IQCM: variants seen among roughly 807,000 people sequenced by gnomAD.
IQCM encodes the protein IQ domain-containing protein M.
IQCM carries 45 observed loss-of-function variants against 57.6 expected under a neutral mutation model. That is an observed-to-expected ratio of 0.78 (90% CI 0.62 to 1.00). The LOEUF (loss-of-function observed/expected upper bound fraction) is 1.00, where lower values mean the gene tolerates loss of function less well. IQCM is among the 50% of genes least tolerant of loss of function. The pLI is 0.00. For synonymous variants in IQCM, 148 were observed against 158.9 expected, an observed-to-expected ratio of 0.93 and a Z score of 0.51; for missense variants, 468 against 511.6, an observed-to-expected ratio of 0.91 and a Z score of 0.82.
At chr4:149,771,981 T>C (rs964366239) in intron 2 of IQCM, among the ~76,000 whole-genome samples, 1 of 152,154 alleles carries the variant, frequency 6.6e-6, no homozygotes, top group African/African-American at 2.4e-5. Context: ...ATTATCCTAG[T>C]TCTGTCCAGG....
intron 13 of IQCM, among the ~76,000 whole-genome samples, chr4:149,385,872 T>C (rs1731388326): frequency 6.6e-6 from 1 of 152,146 alleles, no homozygotes; most frequent in South Asian, 2.1e-4. Flanking sequence ...ATTAGATGAA[T>C]GCCTATCATA....
At chr4:149,636,048 T>C (rs1455685790) in intron 7 of IQCM, among the ~76,000 whole-genome samples, 1 of 152,178 alleles carries the variant, frequency 6.6e-6, no homozygotes, top group Non-Finnish European at 1.5e-5. Flanking sequence ...ACTTTAGACA[T>C]AGAATGTCAT....
In IQCM at chr4:149,749,796, C is replaced by G. The variant is rs572079725; in HGVS notation, c.-48-7057G>C. Among the ~76,000 whole-genome samples, 12 of 152,168 alleles carry G rather than the reference C, an allele frequency of 7.9e-5. No homozygotes were observed. In the East Asian group the frequency reaches 2.3e-3, roughly 29 times the overall value. On this transcript the variant is annotated intron_variant, in intron 2 of 13. Transcript: ENST00000636793. The stretch of plus-strand genomic sequence containing the variant: ...ACTACCCTAGTCATTACAGGTGGTT[C>G]CATTTCTCTTCTTACACTCACTCAA...
intron 12 of IQCM, among the ~76,000 whole-genome samples, chr4:149,498,365 A>G (rs1304988602): frequency 1.3e-5 from 2 of 152,160 alleles, no homozygotes; most frequent in African/African-American, 4.8e-5. Context: ...AAGAGGCAGG[A>G]TCAATGGTGG....
At position 149,461,840 on chromosome 4, in the gene IQCM, T is replaced by A. The variant is rs539493938; in HGVS notation, c.1229-28283A>T. ...GAATACTATATATATATAGTGTGTA[T>A]ATATATATATAAATATCCTGACACT... On this transcript the variant is annotated intron_variant, in intron 12 of 13. Coordinates refer to ENST00000636793, the MANE Select transcript of IQCM (RefSeq NM_001363507.2). 4.0e-5 allele frequency among the ~76,000 whole-genome samples: 6 copies of A among 151,162 alleles called. No homozygotes were observed. In the South Asian group the frequency reaches 1.3e-3, roughly 32 times the overall value.
chr4:149,724,735 C>T (rs539650995), intron 5 of IQCM, among the ~76,000 whole-genome samples: 1 of 151,960 alleles, frequency 6.6e-6, no homozygotes, highest in Non-Finnish European at 1.5e-5. Context: ...TTAAATAACT[C>T]AAAATAGACG....
intron 2 of IQCM, among the ~76,000 whole-genome samples, chr4:149,788,601 T>C (rs1291539493): frequency 6.6e-6 from 1 of 151,992 alleles, no homozygotes; most frequent in Non-Finnish European, 1.5e-5. Flanking sequence ...GCTCAAAAAA[T>C]TAAAAATAGA....
chr4:149,601,197 G>T (rs1754250687), intron 8 of IQCM, among the ~76,000 whole-genome samples: 2 of 35,590 alleles, frequency 5.6e-5, no homozygotes, highest in South Asian at 3.3e-3. Flanking sequence ...GATCGGGCTG[G>T]GACCTAAGAT....
chr4:149,382,584 AT>A (rs376249972), intron 13 of IQCM, among the ~76,000 whole-genome samples: 203 of 148,034 alleles, frequency 1.4e-3, no homozygotes, highest in Non-Finnish European at 2.0e-3. Flanking sequence ...TTCCCTGGGC[AT>A]TTTTTTTTTC....
chr4:149,430,080 C>G (rs1734720705), intron 13 of IQCM: 1 of 1,041,366 alleles, frequency 9.6e-7, no homozygotes, highest in African/African-American at 1.6e-5. Context: ...TTATTAAACC[C>G]AAAACTTTCA....
chr4:149,637,367 TGA>T (rs964399373), intron 7 of IQCM, among the ~76,000 whole-genome samples: 2 of 152,178 alleles, frequency 1.3e-5, no homozygotes, highest in African/African-American at 4.8e-5. Context: ...AGAACATTGC[TGA>T]GAGATTAAAG....
At chr4:149,448,057 AAAC>A (rs1199228170) in intron 12 of IQCM, among the ~76,000 whole-genome samples, 1 of 151,708 alleles carries the variant, frequency 6.6e-6, no homozygotes, top group African/African-American at 2.4e-5. Flanking sequence ...ACATTTCAAC[AAAC>A]AACAACATAA....
chr4:149,485,668 C>G (rs1741396685), intron 12 of IQCM, among the ~76,000 whole-genome samples: 1 of 152,016 alleles, frequency 6.6e-6, no homozygotes, highest in Non-Finnish European at 1.5e-5. Flanking sequence ...AATTCTCTGT[C>G]TGAAAGGTCA....
intron 3 of IQCM, among the ~76,000 whole-genome samples, chr4:149,738,029 G>A (rs1156613158): frequency 6.6e-6 from 1 of 152,120 alleles, no homozygotes; most frequent in Non-Finnish European, 1.5e-5. Flanking sequence ...TGTTCAAAAT[G>A]TAGCTTTGTG....
intron 13 of IQCM, among the ~76,000 whole-genome samples, chr4:149,368,770 A>G (rs1436233686): frequency 1.2e-4 from 13 of 107,382 alleles, no homozygotes; most frequent in Non-Finnish European, 2.1e-4. Context: ...ATATATATAT[A>G]CATATATATA....
chr4:149,438,397 C>T (rs1735578681), intron 12 of IQCM, among the ~76,000 whole-genome samples: 2 of 151,900 alleles, frequency 1.3e-5, no homozygotes. Flanking sequence ...GACTACTAGC[C>T]AATACTGTGA....
At chr4:149,764,832 G>A (rs1769887768) in intron 2 of IQCM, among the ~76,000 whole-genome samples, 1 of 151,988 alleles carries the variant, frequency 6.6e-6, no homozygotes, top group Admixed American at 6.6e-5. Context: ...GGTCAGGTAT[G>A]GTATGGGTTA....
chr4:149,747,719 G>GA (rs1395038508), intron 2 of IQCM, among the ~76,000 whole-genome samples: 1 of 152,164 alleles, frequency 6.6e-6, no homozygotes, highest in Non-Finnish European at 1.5e-5. Context: ...ATGAATTTAT[G>GA]ATTAATATCA....
intron 7 of IQCM, among the ~76,000 whole-genome samples, chr4:149,624,543 T>C (rs975640323): frequency 2.0e-5 from 3 of 151,906 alleles, no homozygotes; most frequent in African/African-American, 7.3e-5. Flanking sequence ...CACAGAAAAC[T>C]GAAAAGATCG....
Sources: gnomAD v4.1 joint callset for allele counts (sites outside exome capture counted in the v4.1 genomes callset) on GRCh38, gnomAD v4.1.1 for gene constraint, MANE v1.5 for transcripts, NCBI Gene and HGNC (gene_info 2026-07-23, HGNC 2026-07-21) for gene names.